Variants in EFHC1 observed in about 807,000 individuals in gnomAD.
EFHC1 encodes the protein EF-hand domain-containing protein 1.
A neutral mutation model predicts 69.9 loss-of-function variants in EFHC1; 53 were observed. That is an observed-to-expected ratio of 0.76 (90% CI 0.61 to 0.95). EFHC1 has a LOEUF of 0.95. Ranked by LOEUF, EFHC1 falls within the 40% of genes least tolerant of loss-of-function variation. The pLI is 0.00. For missense variants in EFHC1, 739 were observed against 798.7 expected (o/e 0.93, Z 0.90); for synonymous variants, 256 against 278.4 (o/e 0.92, Z 0.80).
At position 52,493,401 on chromosome 6, in the gene EFHC1, T is replaced by G. The variant is rs934505421; in HGVS notation, c.*1060T>G. On this transcript the variant is annotated 3_prime_UTR_variant, in exon 11 of 11. Coordinates refer to ENST00000371068, the MANE Select transcript of EFHC1 (RefSeq NM_018100.4). ...ATATATATATTTTATATGTACACAT[T>G]CATACACACACACGCTTATATGTAT... The G allele has an allele frequency of 2.0e-5, 6 of 298,720 alleles. No individual in the cohort carries two copies. Among genetic ancestry groups the G allele is most frequent in the African/African-American group, 1.4e-4 (6 of 42,912 alleles). 18.5% of individuals were successfully genotyped at this position (298,720 alleles called of 1,614,324 possible). A position where few individuals can be genotyped will look rare whatever the true frequency, so the allele number is the denominator to read the frequency against.
chr6:52,433,905 A>G (rs1253873155), intron 2 of EFHC1, among the ~76,000 whole-genome samples: 3 of 152,086 alleles, frequency 2.0e-5, no homozygotes, highest in African/African-American at 7.2e-5. Context: ...TTGTGTTCCT[A>G]GGAAGATTAT....
intron 9 of EFHC1, chr6:52,487,605 T>G (rs1161925428): frequency 6.6e-6 from 1 of 152,258 alleles, no homozygotes; most frequent in Non-Finnish European, 1.5e-5. Context: ...ATTCCTTCTT[T>G]TTGCTTATCT....
At chr6:52,430,006 A>C (rs181824144) in intron 2 of EFHC1, 1 of 152,214 alleles carries the variant, frequency 6.6e-6, no homozygotes, top group African/African-American at 2.4e-5. Context: ...TTTGATTCTC[A>C]GCTTGGTCGC....
chr6:52,497,185 T>C lies in EFHC1; in HGVS notation c.*4844T>C, dbSNP rs1766087869. On this transcript the variant is annotated 3_prime_UTR_variant, in exon 11 of 11. Transcript: ENST00000371068. ...GTCAAATAAAAATGATGCTTATTGC[T>C]ATCCAGCACTTGACATAACTGACTC... 1 of 152,244 alleles carries C rather than the reference T, an allele frequency of 6.6e-6. No individual in the cohort carries two copies. The highest frequency in any genetic ancestry group is 2.1e-4 in the South Asian group (1 of 4,836). 9.4% of individuals were successfully genotyped at this position (152,244 alleles called of 1,614,324 possible).
At chr6:52,450,856 T>TGG (rs1171671379) in intron 3 of EFHC1, among the ~76,000 whole-genome samples, 2 of 152,194 alleles carry the variant, frequency 1.3e-5, no homozygotes, top group Non-Finnish European at 2.9e-5. Flanking sequence ...TGGCGTGCAG[T>TGG]GGCGTGCTCT....
rs1215576257 is a variant in EFHC1, at chr6:52,493,192, C to T, written c.*851C>T. ...GGTCTGGAGCCTGCTGACCTTCAGA[C>T]TGGACCTAAACCATCAGCTCTCCTA... On this transcript the variant is annotated 3_prime_UTR_variant, in exon 11 of 11. Coordinates refer to ENST00000371068, the MANE Select transcript of EFHC1 (RefSeq NM_018100.4). The T allele has an allele frequency of 1.1e-5, 5 of 453,524 alleles. No individual in the cohort carries two copies. The highest frequency in any genetic ancestry group is 2.2e-5 in the Non-Finnish European group (5 of 226,720). 28.1% of individuals were successfully genotyped at this position (453,524 alleles called of 1,614,324 possible). A position where few individuals can be genotyped will look rare whatever the true frequency, so the allele number is the denominator to read the frequency against.
Position 52,479,184 on chromosome 6 carries a change from T to C in EFHC1, c.1426T>C (p.Tyr476His). 6.2e-7 allele frequency: 1 copy of C among 1,614,186 alleles called. No homozygotes were observed. Among genetic ancestry groups the C allele is most frequent in the Non-Finnish European group, 8.5e-7 (1 of 1,180,008 alleles). The change falls in exon 8 of 11, where the codon TAC becomes CAC. Residue 476 changes from tyrosine to histidine, a missense_variant. Physicochemically the swap from Tyr to His is moderately conservative, Grantham distance 83. Transcript: ENST00000371068. ...TGGCAGGACTAAAGTTGTTAAACCA[T>C]ACTCTACAGTGGACAACCCTGTCTA... is the stretch of plus-strand genomic sequence containing the variant. ...YLGRTKVVKP[Y>H]STVDNPVYYG...
chr6:52,479,421 A>T (rs539293448), intron 8 of EFHC1, among the ~76,000 whole-genome samples, 171 bp downstream of exon 8: 5 of 149,930 alleles, frequency 3.3e-5, no homozygotes, highest in Middle Eastern at 3.4e-3. Flanking sequence ...AATCAATTAA[A>T]CTCTTAAGTT....
chr6:52,480,087 A>T, intron 9 of EFHC1: 1 of 590,404 alleles, frequency 1.7e-6, no homozygotes, highest in Admixed American at 3.0e-5. Flanking sequence ...AACTACTAAT[A>T]GCCTACTCTT....
At chr6:52,461,074 A>T (rs76840344) in intron 5 of EFHC1, among the ~76,000 whole-genome samples, 14,632 of 151,850 alleles carry the variant, frequency 0.096, 955 homozygotes, top group Non-Finnish European at 0.14. Context: ...AGTTTTGAAA[A>T]TTTTTTTTTA....
intron 2 of EFHC1, among the ~76,000 whole-genome samples, chr6:52,437,282 T>C (rs927704796): frequency 6.6e-6 from 1 of 152,216 alleles, no homozygotes; most frequent in Non-Finnish European, 1.5e-5. Context: ...CGCAATCTTA[T>C]CCAAGATTTT....
rs776439005 is a variant in EFHC1 at position 52,464,907 on chromosome 6, A to C, written c.929A>C (p.Gln310Pro). Reference protein sequence around the residue: ...VLVENAKNFPQCVLEISDQEV... With the variant: ...VLVENAKNFPPCVLEISDQEV... ...CATCTTATATTAGAGAACTTCCCTC[A>C]GTGTGTGCTAGAAATCTCTGACCAA... The change falls in exon 6 of 11, where the codon CAG becomes CCG. Residue 310 changes from glutamine to proline, a missense_variant. Transcript: ENST00000371068. The C allele has an allele frequency of 6.8e-6, 11 of 1,613,924 alleles. No homozygotes were observed. Among genetic ancestry groups the C allele is most frequent in the Non-Finnish European group, 8.5e-7 (1 of 1,179,842 alleles).
intron 2 of EFHC1, 67 bp downstream of exon 2, chr6:52,424,234 T>TA (rs760585999): frequency 6.9e-7 from 1 of 1,442,142 alleles, no homozygotes; most frequent in Non-Finnish European, 9.6e-7. Context: ...GCAAAAAAGT[T>TA]AAAACAGTAA....
At chr6:52,452,024 A>G (rs970799740) in intron 3 of EFHC1, among the ~76,000 whole-genome samples, 2 of 152,320 alleles carry the variant, frequency 1.3e-5, no homozygotes, top group African/African-American at 2.4e-5. Context: ...TTCCAGATAT[A>G]TGAAAGTAAG....
intron 7 of EFHC1, among the ~76,000 whole-genome samples, chr6:52,473,022 T>C (rs987603736): frequency 3.9e-5 from 6 of 152,220 alleles, no homozygotes; most frequent in African/African-American, 1.2e-4. Context: ...AAAAATGTTT[T>C]TATTTTTACA....
chr6:52,461,089 TTAA>T, intron 5 of EFHC1, among the ~76,000 whole-genome samples: 1 of 152,254 alleles, frequency 6.6e-6, no homozygotes, highest in Admixed American at 6.5e-5. Context: ...TTTTTAACTT[TTAA>T]GTTCAGGGGT....
At chr6:52,473,052 T>A (rs1280939498) in intron 7 of EFHC1, among the ~76,000 whole-genome samples, 1 of 152,160 alleles carries the variant, frequency 6.6e-6, no homozygotes, top group Admixed American at 6.5e-5. Flanking sequence ...ATTCTATAAT[T>A]TAAGTGGAGA....
intron 4 of EFHC1, chr6:52,453,733 T>A: frequency 8.0e-7 from 1 of 1,244,784 alleles, no homozygotes; most frequent in Non-Finnish European, 1.0e-6. Context: ...TAATTATATA[T>A]AAACCATATT....
At chr6:52,472,055 T>C (rs1475532143) in intron 7 of EFHC1, among the ~76,000 whole-genome samples, 1 of 151,354 alleles carries the variant, frequency 6.6e-6, no homozygotes, top group African/African-American at 2.4e-5. Context: ...AAGAGAAAAA[T>C]TAAATTTTGA....
Sources: allele counts gnomAD v4.1 joint callset (sites outside exome capture counted in the v4.1 genomes callset), GRCh38; gene constraint gnomAD v4.1.1; transcripts MANE v1.5; gene names NCBI Gene and HGNC (gene_info 2026-07-23, HGNC 2026-07-21).